Variants in CEP89 observed in about 807,000 individuals in gnomAD.
CEP89 encodes the protein centrosomal protein 89.
In CEP89, 95 loss-of-function variants were observed where a neutral mutation model predicts 97.6. The ratio of observed to expected loss-of-function variants is 0.97; its 90% CI spans 0.82 to 1.15. The LOEUF (loss-of-function observed/expected upper bound fraction) is 1.15. CEP89 is among the 50% of genes most tolerant of loss of function. The pLI, the probability that CEP89 is intolerant of heterozygous loss-of-function variation, is 0.00. For synonymous variants in CEP89, 354 were observed against 349.1 expected, an observed-to-expected ratio of 1.01 and a Z score of -0.16; for missense variants, 869 against 947.7, an observed-to-expected ratio of 0.92 and a Z score of 1.09.
At chr19:32,911,382 C>T (rs1253073738) in intron 14 of CEP89, among the ~76,000 whole-genome samples, 1 of 152,248 alleles carries the variant, frequency 6.6e-6, no homozygotes, top group Non-Finnish European at 1.5e-5. Flanking sequence ...TCTGGCCACA[C>T]ATGGTGGCTC....
At chr19:32,880,280 G>A (rs949634370) in intron 18 of CEP89, among the ~76,000 whole-genome samples, 14 of 152,342 alleles carry the variant, frequency 9.2e-5, no homozygotes, top group Admixed American at 6.5e-5. Context: ...GGTGGACTTC[G>A]CACCACGGTT....
At chr19:32,951,520 T>C (rs963722141) in intron 4 of CEP89, among the ~76,000 whole-genome samples, 2 of 50,992 alleles carry the variant, frequency 3.9e-5, no homozygotes, top group East Asian at 8.6e-4. Context: ...ATTATATATA[T>C]ATATATATAT....
At position 32,900,015 on chromosome 19, in the gene CEP89, A is replaced by G; in HGVS notation, c.1734-17T>C. The G allele has an allele frequency of 6.2e-7, 1 of 1,613,378 alleles. No individual in the cohort carries two copies. The highest frequency in any genetic ancestry group is 1.1e-5 in the South Asian group (1 of 91,020). ...TGAGATTTCCTAGAGAGTTACCCCA[A>G]ATGGTAGAATAAAAAGCCCATTAGT... On this transcript the variant is annotated splice_polypyrimidine_tract_variant and intron_variant, in intron 15 of 18. Coordinates refer to ENST00000305768, the MANE Select transcript of CEP89 (RefSeq NM_032816.5).
intron 16 of CEP89, among the ~76,000 whole-genome samples, chr19:32,889,652 A>G (rs892070506): frequency 6.6e-6 from 1 of 152,104 alleles, no homozygotes; most frequent in African/African-American, 2.4e-5. Flanking sequence ...TCGTTGTGGA[A>G]GCCTGTGATA....
chr19:32,943,643 C>T (rs769224613), intron 5 of CEP89, among the ~76,000 whole-genome samples: 8 of 151,816 alleles, frequency 5.3e-5, no homozygotes, highest in African/African-American at 1.7e-4. Flanking sequence ...AAAGTCAAAC[C>T]CCACAACTCA....
Position 32,879,360 on chromosome 19 carries a change from A to G in CEP89, c.2154T>C (p.Leu718=). The change falls in exon 19 of 19, where the codon CTT becomes CTC. Residue 718 remains leucine, a synonymous_variant. Transcript: ENST00000305768. The stretch of plus-strand genomic sequence containing the variant: ...TGAAGGTAGATTCCCAAATAACTTC[A>G]AGTTCACCTTCCATTTCTCTGAGGG... ...LQQNREMEGE[L]EVIWESTFRE... 3 of 1,614,068 alleles carry G rather than the reference A, an allele frequency of 1.9e-6. No individual in the cohort carries two copies. Among genetic ancestry groups the G allele is most frequent in the Non-Finnish European group, 2.5e-6 (3 of 1,179,864 alleles).
intron 16 of CEP89, among the ~76,000 whole-genome samples, chr19:32,889,415 C>T (rs796196468): frequency 3.3e-5 from 5 of 152,200 alleles, no homozygotes; most frequent in East Asian, 1.9e-4. Flanking sequence ...CCTACATTTC[C>T]GCTTTGACTC....
At chr19:32,949,709 G>A (rs1032907388) in intron 4 of CEP89, among the ~76,000 whole-genome samples, 2 of 152,094 alleles carry the variant, frequency 1.3e-5, no homozygotes, top group African/African-American at 4.8e-5. Context: ...ATGGTAAACT[G>A]TGACTGGCGC....
At chr19:32,946,571 G>C (rs34918756) in intron 5 of CEP89, among the ~76,000 whole-genome samples, 30,234 of 152,120 alleles carry the variant, frequency 0.2, 3,096 homozygotes, top group African/African-American at 0.23. Context: ...TGGTCTGGCT[G>C]TGTCCCCACT....
In CEP89 at chr19:32,882,019, C is replaced by G. The variant is rs759970694; in HGVS notation, c.1966-6G>C. On this transcript the variant is annotated splice_region_variant and splice_polypyrimidine_tract_variant and intron_variant, in intron 17 of 18. Transcript: ENST00000305768. ...GCTGCCTGCTTCTTGTAGCCCTGGTCGGGGGAAGGACTCTGTGAATGAGGG... is the reference window on the plus strand; with the variant it reads ...GCTGCCTGCTTCTTGTAGCCCTGGTGGGGGGAAGGACTCTGTGAATGAGGG... The G allele has an allele frequency of 6.4e-7, 1 of 1,559,314 alleles. No homozygotes were observed. The highest frequency in any genetic ancestry group is 2.4e-5 in the East Asian group (1 of 42,212).
chr19:32,919,716 G>A (rs770437396), intron 12 of CEP89, among the ~76,000 whole-genome samples: 3 of 152,224 alleles, frequency 2.0e-5, no homozygotes, highest in Non-Finnish European at 4.4e-5. Context: ...CCAGGCTGGA[G>A]TGCAGTGGTG....
chr19:32,923,544 TG>T lies in CEP89; in HGVS notation c.1165-3del. On this transcript the variant is annotated splice_region_variant and splice_polypyrimidine_tract_variant and intron_variant, in intron 11 of 18. Transcript: ENST00000305768. Reference sequence around the variant, plus strand: ...CATCCTAAACATTCTCATTTCCTCCTGAAATAAAATGTACGTAAATTATAAC... The same window carrying T: ...CATCCTAAACATTCTCATTTCCTCCTAAATAAAATGTACGTAAATTATAAC... 6.5e-7 allele frequency: 1 copy of T among 1,539,362 alleles called. No individual in the cohort carries two copies. The highest frequency in any genetic ancestry group is 9.0e-7 in the Non-Finnish European group (1 of 1,112,932).
At chr19:32,966,499 G>T in intron 1 of CEP89, 33 bp from the exon 2 acceptor site, 1 of 1,369,846 alleles carries the variant, frequency 7.3e-7, no homozygotes, top group East Asian at 2.7e-5. Context: ...AAGTCACTGG[G>T]TTGGGTCACT....
At chr19:32,971,640 G>A in intron 1 of CEP89, 196 bp downstream of exon 1, 1 of 616,336 alleles carries the variant, frequency 1.6e-6, no homozygotes, top group East Asian at 2.7e-5. Context: ...CTGGGCGACA[G>A]AGCGAGACCC....
intron 6 of CEP89, 133 bp from the exon 7 acceptor site, chr19:32,937,806 G>T: frequency 4.2e-6 from 3 of 716,476 alleles, no homozygotes; most frequent in Non-Finnish European, 4.9e-6. Context: ...CTTGTTCTTT[G>T]TTTGTTTTAG....
chr19:32,956,555 G>T lies in CEP89; in HGVS notation c.306-2754C>A, dbSNP rs1971053528. On this transcript the variant is annotated intron_variant, in intron 3 of 18. Coordinates refer to ENST00000305768, the MANE Select transcript of CEP89 (RefSeq NM_032816.5). ...GATTTTTGTATTTTTTTGTAGAGAT[G>T]GGGGTCTCACTTTGTTGCCCAGGCT... Among the ~76,000 whole-genome samples, 5 of 150,576 alleles carry T rather than the reference G, an allele frequency of 3.3e-5. No homozygotes were observed. In the South Asian group the frequency reaches 1.0e-3, roughly 32 times the overall value.
chr19:32,890,266 G>A (rs1469419323), intron 16 of CEP89, among the ~76,000 whole-genome samples: 2 of 152,102 alleles, frequency 1.3e-5, no homozygotes, highest in African/African-American at 2.4e-5. Flanking sequence ...CAGGTGTGGT[G>A]GCATGCGCCT....
At chr19:32,968,327 C>A (rs949733575) in intron 1 of CEP89, among the ~76,000 whole-genome samples, 1 of 152,226 alleles carries the variant, frequency 6.6e-6, no homozygotes, top group Non-Finnish European at 1.5e-5. Context: ...TGGCTCACTG[C>A]AACCTCCACC....
intron 14 of CEP89, among the ~76,000 whole-genome samples, chr19:32,906,469 ATTG>A (rs1228749312): frequency 4.6e-5 from 7 of 152,108 alleles, no homozygotes; most frequent in Admixed American, 1.3e-4. Context: ...ATATGCTATT[ATTG>A]TTGTGCCTTT....
Sources: gnomAD v4.1 joint callset for allele counts (sites outside exome capture counted in the v4.1 genomes callset) on GRCh38, gnomAD v4.1.1 for gene constraint, MANE v1.5 for transcripts, NCBI Gene and HGNC (gene_info 2026-07-23, HGNC 2026-07-21) for gene names.